Variants in MTUS2 observed in about 807,000 individuals in gnomAD.
MTUS2 encodes the protein microtubule-associated tumor suppressor candidate 2.
In MTUS2, 40 loss-of-function variants were observed where a neutral mutation model predicts 114.1. The ratio of observed to expected loss-of-function variants is 0.35; its 90% CI spans 0.27 to 0.46. The LOEUF (loss-of-function observed/expected upper bound fraction) is 0.46. MTUS2 is among the 20% of genes least tolerant of loss of function. MTUS2 has a pLI of 1.00. For synonymous variants in MTUS2, 688 were observed against 672.0 expected (o/e 1.02, Z -0.37); for missense variants, 1,679 against 1,705.4 (o/e 0.98, Z 0.27).
chr13:29,263,883 C>T (rs960596065), intron 5 of MTUS2, among the ~76,000 whole-genome samples: 2 of 152,122 alleles, frequency 1.3e-5, no homozygotes, highest in African/African-American at 4.8e-5. Flanking sequence ...CATATCATCC[C>T]ACCCCTGGCC....
intron 8 of MTUS2, among the ~76,000 whole-genome samples, chr13:29,415,550 G>A (rs1016428679): frequency 1.3e-5 from 2 of 152,018 alleles, no homozygotes; most frequent in Non-Finnish European, 2.9e-5. Context: ...CCATTTTCCT[G>A]GAATTGCTTT....
intron 6 of MTUS2, among the ~76,000 whole-genome samples, chr13:29,323,209 T>C (rs987396459): frequency 6.1e-4 from 93 of 152,056 alleles, no homozygotes; most frequent in African/African-American, 2.1e-3. Flanking sequence ...CATAAGACGA[T>C]GGTGAACTGA....
chr13:29,034,068 A>T lies in MTUS2; in HGVS notation c.2389A>T (p.Ile797Phe). The T allele has an allele frequency of 6.2e-7, 1 of 1,613,980 alleles. No homozygotes were observed. The highest frequency in any genetic ancestry group is 1.1e-5 in the South Asian group (1 of 91,072). The change falls in exon 4 of 16, where the codon ATC becomes TTC. Residue 797 changes from isoleucine (I) to phenylalanine (F), a missense_variant. Around this residue, in one of 3 missense-constraint regions of MTUS2, gnomAD observed 822 missense variants for 899.7 expected, o/e 0.91. Coordinates refer to ENST00000612955, the MANE Select transcript of MTUS2 (RefSeq NM_001033602.4). ...AAGTCAGAGGTCTTCAGCGAGCGCC[A>T]TCCACCCACCAGGACCCATAACAAC... ...IASQRSSASA[I>F]HPPGPITTAT...
intron 5 of MTUS2, among the ~76,000 whole-genome samples, chr13:29,271,409 A>G (rs1427058520): frequency 6.6e-6 from 1 of 152,098 alleles, no homozygotes; most frequent in Non-Finnish European, 1.5e-5. Context: ...GCACTTCCTT[A>G]ATGCTGGGTC....
At chr13:29,437,337 T>C (rs1877486051) in intron 8 of MTUS2, among the ~76,000 whole-genome samples, 1 of 152,206 alleles carries the variant, frequency 6.6e-6, no homozygotes, top group African/African-American at 2.4e-5. Flanking sequence ...TAGATAATTA[T>C]TTAGGAACGT....
intron 2 of MTUS2, among the ~76,000 whole-genome samples, chr13:29,008,275 C>T (rs902286853): frequency 2.0e-5 from 3 of 152,162 alleles, no homozygotes; most frequent in Non-Finnish European, 4.4e-5. Context: ...GAGAGACAAA[C>T]AAGGAAGAAA....
chr13:29,453,973 A>C (rs7999813), intron 9 of MTUS2, among the ~76,000 whole-genome samples: 130,928 of 152,222 alleles, frequency 0.86, 57,618 homozygotes, highest in East Asian at 1. Context: ...TTAGGTATTA[A>C]ATGTACTATC....
chr13:29,407,803 A>G (rs1326831462), intron 8 of MTUS2, among the ~76,000 whole-genome samples: 1 of 152,004 alleles, frequency 6.6e-6, no homozygotes, highest in Non-Finnish European at 1.5e-5. Context: ...TTATACTTCT[A>G]CCAGCTATGT....
At chr13:29,049,190 T>G (rs992625242) in intron 4 of MTUS2, among the ~76,000 whole-genome samples, 1 of 152,160 alleles carries the variant, frequency 6.6e-6, no homozygotes, top group African/African-American at 2.4e-5. Context: ...GAAGACAAGG[T>G]GAATTTAAAT....
chr13:29,102,083 A>C (rs771990857), intron 5 of MTUS2, among the ~76,000 whole-genome samples: 4 of 152,194 alleles, frequency 2.6e-5, no homozygotes, highest in Admixed American at 1.3e-4. Flanking sequence ...ACATTTAAGG[A>C]ATATCACTGT....
At chr13:29,167,735 G>T (rs1887748) in intron 5 of MTUS2, among the ~76,000 whole-genome samples, 21,369 of 151,950 alleles carry the variant, frequency 0.14, 2,786 homozygotes, top group African/African-American at 0.35. Flanking sequence ...TCAACATGAT[G>T]CTCAAAGCAA....
intron 2 of MTUS2, among the ~76,000 whole-genome samples, chr13:28,893,458 C>G (rs561559067): frequency 1.3e-5 from 2 of 152,012 alleles, no homozygotes; most frequent in African/African-American, 2.4e-5. Flanking sequence ...TCCTGAGTGC[C>G]GAAGGTAAAG....
At chr13:29,410,125 T>C (rs1335957193) in intron 8 of MTUS2, among the ~76,000 whole-genome samples, 1 of 27,466 alleles carries the variant, frequency 3.6e-5, no homozygotes, top group Non-Finnish European at 8.3e-5. Flanking sequence ...TATGCTGTTG[T>C]ACTTTTTTTT....
chr13:29,145,151 T>TAGGTTTC (rs1892378703), intron 5 of MTUS2, among the ~76,000 whole-genome samples: 2 of 152,210 alleles, frequency 1.3e-5, no homozygotes, highest in Non-Finnish European at 2.9e-5. Flanking sequence ...CAAATTACTA[T>TAGGTTTC]TGTAATTATT....
chr13:29,437,300 A>G (rs984472663), intron 8 of MTUS2, among the ~76,000 whole-genome samples: 2 of 152,240 alleles, frequency 1.3e-5, no homozygotes. Flanking sequence ...ACTGATAAGC[A>G]TACTATTTCA....
intron 8 of MTUS2, among the ~76,000 whole-genome samples, chr13:29,379,859 A>G (rs6490401): frequency 0.61 from 92,618 of 152,110 alleles, 29,125 homozygotes; most frequent in East Asian, 0.75. Context: ...ATAAGGGTAG[A>G]GATTAAAGGT....
intron 2 of MTUS2, among the ~76,000 whole-genome samples, chr13:28,999,817 C>T (rs185948613): frequency 4.7e-4 from 71 of 152,328 alleles, no homozygotes; most frequent in Non-Finnish European, 7.8e-4. Context: ...ATTTTACTCT[C>T]TATTGCTATG....
At chr13:28,898,622 G>C (rs559125755) in intron 2 of MTUS2, among the ~76,000 whole-genome samples, 1 of 152,174 alleles carries the variant, frequency 6.6e-6, no homozygotes, top group Non-Finnish European at 1.5e-5. Context: ...TGCCACACTA[G>C]CTGGGGGCTT....
At chr13:28,827,155 A>G (rs1358527463) in intron 1 of MTUS2, among the ~76,000 whole-genome samples, 1 of 152,234 alleles carries the variant, frequency 6.6e-6, no homozygotes, top group East Asian at 1.9e-4. Flanking sequence ...GAGAATTGAA[A>G]TCATGTAGCA....
Sources: gnomAD v4.1 joint callset for allele counts (sites outside exome capture counted in the v4.1 genomes callset) on GRCh38, gnomAD v4.1.1 for gene constraint, gnomAD v4.1.1 regional missense constraint, MANE v1.5 for transcripts, NCBI Gene and HGNC (gene_info 2026-07-23, HGNC 2026-07-21) for gene names.